The following KLHDC2 variants were observed in gnomAD, a reference collection of about 807,000 sequenced individuals.
KLHDC2 encodes kelch domain containing 2, also known as kelch domain-containing protein 2.
Under a neutral mutation model 62.3 loss-of-function variants are expected in KLHDC2, and 38 were observed. The observed-to-expected ratio is 0.61, with a 90% CI of 0.47 to 0.80. The LOEUF (loss-of-function observed/expected upper bound fraction) is 0.80. Among genes scored for constraint, KLHDC2 ranks in the 30% least tolerant of loss-of-function variants. The pLI is 0.00. For synonymous variants in KLHDC2, 159 were observed against 161.0 expected (o/e 0.99, Z 0.09); for missense variants, 430 against 495.3 (o/e 0.87, Z 1.25).
Position 49,768,209 on chromosome 14 carries a change from A to C in KLHDC2, c.-260A>C. 1 of 328,646 alleles carries C rather than the reference A, an allele frequency of 3.0e-6. No individual in the cohort carries two copies. 20.4% of individuals were successfully genotyped at this position (328,646 alleles called of 1,614,324 possible). A position where few individuals can be genotyped will look rare whatever the true frequency, so the allele number is the denominator to read the frequency against. On this transcript the variant is annotated 5_prime_UTR_variant, in exon 1 of 13. Transcript: ENST00000298307. Reference sequence around the variant, plus strand: ...CGGACCGCTTCCCTGCAGTGCCCCGAGTCCCGGGCCCGCGCCGCCGCCGCC... The same window carrying C: ...CGGACCGCTTCCCTGCAGTGCCCCGCGTCCCGGGCCCGCGCCGCCGCCGCC...
Position 49,779,657 on chromosome 14 carries a change from G to A in KLHDC2, c.696G>A (p.Val232=). 3 of 1,614,156 alleles carry A rather than the reference G, an allele frequency of 1.9e-6. No homozygotes were observed. Among genetic ancestry groups the A allele is most frequent in the Non-Finnish European group, 2.5e-6 (3 of 1,180,010 alleles). ...ACATVGNRGF[V]FGGRYRDARM... ...CAACTGTCGGAAATAGAGGCTTCGTGTTTGGAGGCAGATATCGAGTAAGTA... is the reference window on the plus strand; with the variant it reads ...CAACTGTCGGAAATAGAGGCTTCGTATTTGGAGGCAGATATCGAGTAAGTA... Residue 232 remains valine, a synonymous_variant, in exon 7 of 13, where the codon GTG becomes GTA. Coordinates refer to ENST00000298307, the MANE Select transcript of KLHDC2 (RefSeq NM_014315.3).
At chr14:49,774,778 C>G (rs763109022) in intron 3 of KLHDC2, 100 bp downstream of exon 3, 8 of 792,820 alleles carry the variant, frequency 1.0e-5, no homozygotes, top group Non-Finnish European at 1.3e-5. Context: ...ATTTGTGTCA[C>G]AGTTAAAAAT....
rs1728785109 is a variant in KLHDC2 at position 49,779,643 on chromosome 14, A to G, written c.682A>G (p.Asn228Asp). Residue 228 changes from asparagine to aspartate, a missense_variant, in exon 7 of 13, where the codon AAT becomes GAT. Coordinates refer to ENST00000298307, the MANE Select transcript of KLHDC2 (RefSeq NM_014315.3). The stretch of plus-strand genomic sequence containing the variant: ...TGCCCATGCCTGTGCAACTGTCGGA[A>G]ATAGAGGCTTCGTGTTTGGAGGCAG... ...RAAHACATVG[N>D]RGFVFGGRYR... 6.2e-7 allele frequency: 1 copy of G among 1,614,088 alleles called. No homozygotes were observed. The highest frequency in any genetic ancestry group is 1.7e-5 in the Admixed American group (1 of 60,000).
chr14:49,781,688 C>G (rs1213170643), intron 10 of KLHDC2, among the ~76,000 whole-genome samples: 1 of 150,612 alleles, frequency 6.6e-6, no homozygotes, highest in Non-Finnish European at 1.5e-5. Context: ...TAGAGCAAGA[C>G]TCTGTCTCTT....
rs753463440 is a variant in KLHDC2, at chr14:49,784,901, T to G, written c.*1948T>G. ...TAAATTGTACTGTCAGTCTCCACAT[T>G]CCTTTTCTGAAGGAGAACTTTACCT... On this transcript the variant is annotated 3_prime_UTR_variant, in exon 13 of 13. Transcript: ENST00000298307. The G allele has an allele frequency of 1.3e-6, 2 of 1,595,438 alleles. No individual in the cohort carries two copies. Among genetic ancestry groups the G allele is most frequent in the Admixed American group, 1.7e-5 (1 of 59,650 alleles).
rs1889846782 is a variant in KLHDC2 at position 49,779,667 on chromosome 14, A to G, written c.706A>G (p.Arg236Gly). The G allele has an allele frequency of 1.2e-6, 2 of 1,613,876 alleles. No individual in the cohort carries two copies. Among genetic ancestry groups the G allele is most frequent in the Admixed American group, 1.7e-5 (1 of 59,990 alleles). The stretch of plus-strand genomic sequence containing the variant: ...AAATAGAGGCTTCGTGTTTGGAGGC[A>G]GATATCGAGTAAGTATTCAAACGAC... ...VGNRGFVFGG[R>G]YRDARMNDLH... Residue 236 changes from arginine (R) to glycine (G), a missense_variant, in exon 7 of 13, where the codon AGA (arginine) becomes GGA (glycine). Coordinates refer to ENST00000298307, the MANE Select transcript of KLHDC2 (RefSeq NM_014315.3).
At position 49,775,603 on chromosome 14, in the gene KLHDC2, A is replaced by T. The variant is rs753365858; in HGVS notation, c.351+925A>T. On this transcript the variant is annotated intron_variant, in intron 3 of 12. Transcript: ENST00000298307. ...GAAGGAGTAGCCAAGATACAGAGAT[A>T]TAAGCAAATGTCTTTTTTTTTTTTT... Among the ~76,000 whole-genome samples the T allele has an allele frequency of 4.7e-3, 692 of 146,766 alleles. 4 individuals carry two copies. The highest frequency in any genetic ancestry group is 6.5e-3 in the Non-Finnish European group (435 of 67,360).
chr14:49,785,993 C>A lies in KLHDC2; in HGVS notation c.*3040C>A, dbSNP rs1890160802. The A allele has an allele frequency of 6.6e-6, 1 of 152,378 alleles. No individual in the cohort carries two copies. The highest frequency in any genetic ancestry group is 6.5e-5 in the Admixed American group (1 of 15,284). The allele number at this position is 152,378 out of a possible 1,614,324, so 9.4% of individuals were successfully genotyped here. On this transcript the variant is annotated 3_prime_UTR_variant, in exon 13 of 13. Transcript: ENST00000298307. Reference sequence around the variant, plus strand: ...TAATAACCACAAATAGATTTAAGTCCTATCACATGGAAATGGGACTAATAC... The same window carrying A: ...TAATAACCACAAATAGATTTAAGTCATATCACATGGAAATGGGACTAATAC...
In KLHDC2 at chr14:49,768,175, G is replaced by T. The variant is rs561598576; in HGVS notation, c.-294G>T. Reference sequence around the variant, plus strand: ...GGCAGACGGGCTGCAATAGGGAGCCGGCCCGACGCGGACCGCTTCCCTGCA... The same window carrying T: ...GGCAGACGGGCTGCAATAGGGAGCCTGCCCGACGCGGACCGCTTCCCTGCA... On this transcript the variant is annotated 5_prime_UTR_variant, in exon 1 of 13. Coordinates refer to ENST00000298307, the MANE Select transcript of KLHDC2 (RefSeq NM_014315.3). The T allele has an allele frequency of 7.3e-4, 177 of 240,840 alleles. 1 individual carries two copies. The highest frequency in any genetic ancestry group is 1.8e-3 in the Admixed American group (31 of 17,520). The allele number at this position is 240,840 out of a possible 1,614,324, so 14.9% of individuals were successfully genotyped here. A position where few individuals can be genotyped will look rare whatever the true frequency, so the allele number is the denominator to read the frequency against.
Position 49,784,772 on chromosome 14 carries a change from T to C in KLHDC2, c.*1819T>C, listed in dbSNP as rs1343525240. 10 of 1,518,756 alleles carry C rather than the reference T, an allele frequency of 6.6e-6. No homozygotes were observed. Among genetic ancestry groups the C allele is most frequent in the South Asian group, 1.2e-5 (1 of 85,176 alleles). 94.1% of individuals were successfully genotyped at this position (1,518,756 alleles called of 1,614,324 possible). A position where few individuals can be genotyped will look rare whatever the true frequency, so the allele number is the denominator to read the frequency against. On this transcript the variant is annotated 3_prime_UTR_variant, in exon 13 of 13. Transcript: ENST00000298307. ...CCTGTATGGTCAATCATGTTTCTTT[T>C]ATGACAAAAACGAAAAACATTTCCA...
chr14:49,785,870 G>C lies in KLHDC2; in HGVS notation c.*2917G>C, dbSNP rs1490815029. Reference sequence around the variant, plus strand: ...CACTGCACTGGGTGACACCAGCCTGGGTGACAGAGACCCTGTCTCAAAAAA... The same window carrying C: ...CACTGCACTGGGTGACACCAGCCTGCGTGACAGAGACCCTGTCTCAAAAAA... On this transcript the variant is annotated 3_prime_UTR_variant, in exon 13 of 13. Transcript: ENST00000298307. 1 of 135,904 alleles carries C rather than the reference G, an allele frequency of 7.4e-6. No homozygotes were observed. Among genetic ancestry groups the C allele is most frequent in the Non-Finnish European group, 1.5e-5 (1 of 65,210 alleles). 8.4% of individuals were successfully genotyped at this position (135,904 alleles called of 1,614,324 possible). A position where few individuals can be genotyped will look rare whatever the true frequency, so the allele number is the denominator to read the frequency against.
At chr14:49,778,838 C>G (rs936279688) in intron 6 of KLHDC2, among the ~76,000 whole-genome samples, 2 of 151,984 alleles carry the variant, frequency 1.3e-5, no homozygotes, top group Admixed American at 1.3e-4. Flanking sequence ...ATTCTCCTGC[C>G]TCAGCCTCCT....
rs1889909772 is a variant in KLHDC2 at position 49,781,658 on chromosome 14, C to T, written c.957-712C>T. ...GATGTAGTGAGCTGAGATTGCACCA[C>T]TGCACTCCAGCCTGGGTGATAGAGC... On this transcript the variant is annotated intron_variant, in intron 10 of 12. Coordinates refer to ENST00000298307, the MANE Select transcript of KLHDC2 (RefSeq NM_014315.3). Among the ~76,000 whole-genome samples, 4 of 150,968 alleles carry T rather than the reference C, an allele frequency of 2.6e-5. No individual in the cohort carries two copies. The South Asian group carries it at 6.3e-4, about 24-fold the overall frequency.
intron 3 of KLHDC2, among the ~76,000 whole-genome samples, chr14:49,776,235 G>T (rs1889770968): frequency 6.6e-6 from 1 of 152,186 alleles, no homozygotes; most frequent in Admixed American, 6.5e-5. Context: ...CCAAGGGGGA[G>T]AATAATAACT....
chr14:49,776,748 G>A (rs1430234470), intron 3 of KLHDC2, among the ~76,000 whole-genome samples: 5 of 151,944 alleles, frequency 3.3e-5, no homozygotes, highest in South Asian at 2.1e-4. Context: ...ACAAAAACTC[G>A]TCTCTACTAA....
At position 49,783,879 on chromosome 14, in the gene KLHDC2, A is replaced by C. The variant is rs968145105; in HGVS notation, c.*926A>C. ...ATTTTTTTCTGACAAGTATCAATGA[A>C]AGCAGAAGAAAATCCACTCCAATAC... is the stretch of plus-strand genomic sequence containing the variant. On this transcript the variant is annotated 3_prime_UTR_variant, in exon 13 of 13. Coordinates refer to ENST00000298307, the MANE Select transcript of KLHDC2 (RefSeq NM_014315.3). 4 of 152,126 alleles carry C rather than the reference A, an allele frequency of 2.6e-5. No homozygotes were observed. The highest frequency in any genetic ancestry group is 9.7e-5 in the African/African-American group (4 of 41,444). The allele number at this position is 152,126 out of a possible 1,614,324, so 9.4% of individuals were successfully genotyped here. A position where few individuals can be genotyped will look rare whatever the true frequency, so the allele number is the denominator to read the frequency against.
At chr14:49,773,486 G>T (rs1173291085) in intron 2 of KLHDC2, among the ~76,000 whole-genome samples, 2 of 151,218 alleles carry the variant, frequency 1.3e-5, no homozygotes, top group Admixed American at 6.6e-5. Flanking sequence ...TTGGGAGGCC[G>T]AGGTGGGAGG....
At chr14:49,780,613 G>C in intron 9 of KLHDC2, 90 bp from the exon 10 acceptor site, 2 of 901,330 alleles carry the variant, frequency 2.2e-6, no homozygotes, top group South Asian at 2.6e-5. Context: ...ATCTGCTCAT[G>C]ATCTATTACC....
At position 49,785,416 on chromosome 14, in the gene KLHDC2, C is replaced by T; in HGVS notation, c.*2463C>T. On this transcript the variant is annotated 3_prime_UTR_variant, in exon 13 of 13. Coordinates refer to ENST00000298307, the MANE Select transcript of KLHDC2 (RefSeq NM_014315.3). ...ATTAGTATCTCAACATATTTTTTAT[C>T]TTTTCCTGATATACATACCATCTAA... The T allele has an allele frequency of 1.2e-6, 1 of 823,322 alleles. No homozygotes were observed. Among genetic ancestry groups the T allele is most frequent in the East Asian group, 2.6e-5 (1 of 38,468 alleles). The allele number at this position is 823,322 out of a possible 1,614,324, so 51.0% of individuals were successfully genotyped here. A position where few individuals can be genotyped will look rare whatever the true frequency, so the allele number is the denominator to read the frequency against.
Sources: allele counts gnomAD v4.1 joint callset (sites outside exome capture counted in the v4.1 genomes callset), GRCh38; gene constraint gnomAD v4.1.1; transcripts MANE v1.5; gene names NCBI Gene and HGNC (gene_info 2026-07-23, HGNC 2026-07-21).